The following ZNF207 variants were observed in gnomAD, a reference collection of about 807,000 sequenced individuals.
ZNF207 encodes zinc finger protein 207.
In ZNF207, 24 loss-of-function variants were observed where a neutral mutation model predicts 60.2. That is an observed-to-expected ratio of 0.40 (90% CI 0.29 to 0.56). ZNF207 has a LOEUF of 0.56. ZNF207 is among the 20% of genes least tolerant of loss of function. The pLI is 0.49. For synonymous variants in ZNF207, 236 were observed against 194.7 expected, an observed-to-expected ratio of 1.21 and a Z score of -1.77; for missense variants, 452 against 636.6, an observed-to-expected ratio of 0.71 and a Z score of 3.12.
chr17:32,351,454 C>G, intron 1 of ZNF207: 2 of 1,383,144 alleles, frequency 1.4e-6, no homozygotes, highest in African/African-American at 1.4e-5. Flanking sequence ...TGAACTCTTT[C>G]CTGTCCTCAG....
At chr17:32,369,071 C>T (rs950713047) in intron 10 of ZNF207, 1 of 478,800 alleles carries the variant, frequency 2.1e-6, no homozygotes, top group African/African-American at 1.9e-5. Flanking sequence ...TTTGTAATTC[C>T]CGGAAAGTTG....
rs1355680404 is a variant in ZNF207, at chr17:32,374,877, C to T, written c.*5118C>T. 2 of 152,182 alleles carry T rather than the reference C, an allele frequency of 1.3e-5. No homozygotes were observed. Among genetic ancestry groups the T allele is most frequent in the African/African-American group, 2.4e-5 (1 of 41,432 alleles). The allele number at this position is 152,182 out of a possible 1,614,324, so 9.4% of individuals were successfully genotyped here. On this transcript the variant is annotated 3_prime_UTR_variant, in exon 12 of 12. Coordinates refer to ENST00000394670, the MANE Select transcript of ZNF207 (RefSeq NM_001098507.2). ...TTCAGCCTCACTGAACAGTGTTTTA[C>T]GCACATGTGAAAAGTATCCACATTT...
Position 32,369,463 on chromosome 17 carries a change from CTT to C in ZNF207, c.1324+13_1324+14del, listed in dbSNP as rs760234810. The C allele has an allele frequency of 2.0e-5, 32 of 1,611,660 alleles. No individual in the cohort carries two copies. In the East Asian group the frequency reaches 6.9e-4, roughly 35 times the overall value. ...CCCAATGCCACCTCATGGTATTCCT[CTT>C]TTTATGTTTTTCATATTTAGTGGAT... On this transcript the variant is annotated intron_variant, in intron 11 of 11. Coordinates refer to ENST00000394670, the MANE Select transcript of ZNF207 (RefSeq NM_001098507.2).
chr17:32,350,244 C>G lies in ZNF207; in HGVS notation c.-42C>G, dbSNP rs750065952. On this transcript the variant is annotated 5_prime_UTR_variant, in exon 1 of 12. Transcript: ENST00000394670. ...GGGATTTTTGGCCTCGTTTCTCCTG[C>G]TTCTTTTCTCCTCCCTTTTACTTTG... 6.2e-7 allele frequency: 1 copy of G among 1,613,780 alleles called. No homozygotes were observed. The highest frequency in any genetic ancestry group is 8.5e-7 in the Non-Finnish European group (1 of 1,179,694).
intron 2 of ZNF207, among the ~76,000 whole-genome samples, chr17:32,356,855 T>C (rs1248813001): frequency 6.6e-6 from 1 of 151,990 alleles, no homozygotes; most frequent in East Asian, 1.9e-4. Flanking sequence ...TGAAAAAAAA[T>C]CCCAGATTTT....
chr17:32,367,238 ATTATATATATATATAT>A (rs1431144891), intron 9 of ZNF207, among the ~76,000 whole-genome samples: 1 of 32,286 alleles, frequency 3.1e-5, no homozygotes, highest in African/African-American at 8.1e-5. Flanking sequence ...TTTGGAGGGG[ATTATATATATATATAT>A]ATATATATAT....
chr17:32,365,652 C>T lies in ZNF207; in HGVS notation c.828+165C>T, dbSNP rs917140996. 3 of 491,534 alleles carry T rather than the reference C, an allele frequency of 6.1e-6. No individual in the cohort carries two copies. The African/African-American group carries it at 6.2e-5, about 10-fold the overall frequency. 30.4% of individuals were successfully genotyped at this position (491,534 alleles called of 1,614,324 possible). ...TGGCTTATCCACTTCCATGTTTACACACTGATTTCCTCTACCCATAAAAGG... is the reference window on the plus strand; with the variant it reads ...TGGCTTATCCACTTCCATGTTTACATACTGATTTCCTCTACCCATAAAAGG... On this transcript the variant is annotated intron_variant, in intron 8 of 11. Coordinates refer to ENST00000394670, the MANE Select transcript of ZNF207 (RefSeq NM_001098507.2).
At chr17:32,359,149 G>A (rs569338547) in intron 3 of ZNF207, among the ~76,000 whole-genome samples, 83 of 151,382 alleles carry the variant, frequency 5.5e-4, no homozygotes, top group African/African-American at 1.9e-3. Flanking sequence ...GTCTCACTCT[G>A]TTGCCCAGGC....
In ZNF207 at chr17:32,371,580, C is replaced by T. The variant is rs1201126743; in HGVS notation, c.*1821C>T. On this transcript the variant is annotated 3_prime_UTR_variant, in exon 12 of 12. Transcript: ENST00000394670. ...CCTGGCCAACATGGCAAAACCCCAT[C>T]TGTACAAAACATTTAAAAATTAGCC... 1 of 152,174 alleles carries T rather than the reference C, an allele frequency of 6.6e-6. No individual in the cohort carries two copies. Among genetic ancestry groups the T allele is most frequent in the African/African-American group, 2.4e-5 (1 of 41,430 alleles). The allele number at this position is 152,174 out of a possible 1,614,324, so 9.4% of individuals were successfully genotyped here. A position where few individuals can be genotyped will look rare whatever the true frequency, so the allele number is the denominator to read the frequency against.
chr17:32,364,764 A>G (rs958444629), intron 7 of ZNF207, among the ~76,000 whole-genome samples: 6 of 152,226 alleles, frequency 3.9e-5, no homozygotes, highest in African/African-American at 1.2e-4. Flanking sequence ...TCAACAAACT[A>G]TGAATAATTG....
At position 32,380,485 on chromosome 17, in the gene ZNF207, G is replaced by A. The variant is rs1246832035; in HGVS notation, c.*10726G>A. 1.3e-5 allele frequency: 2 copies of A among 152,092 alleles called. No homozygotes were observed. The highest frequency in any genetic ancestry group is 2.4e-5 in the African/African-American group (1 of 41,412). 9.4% of individuals were successfully genotyped at this position (152,092 alleles called of 1,614,324 possible). A position where few individuals can be genotyped will look rare whatever the true frequency, so the allele number is the denominator to read the frequency against. On this transcript the variant is annotated 3_prime_UTR_variant, in exon 12 of 12. Transcript: ENST00000394670. ...TGTTAAAGAAAATATCTTCAAGAAG[G>A]ATTATTTCAGTGTCCCTTTTTAAAA...
At position 32,375,429 on chromosome 17, in the gene ZNF207, T is replaced by C. The variant is rs541723317; in HGVS notation, c.*5670T>C. On this transcript the variant is annotated 3_prime_UTR_variant, in exon 12 of 12. Coordinates refer to ENST00000394670, the MANE Select transcript of ZNF207 (RefSeq NM_001098507.2). ...AGTGTGCTGGAAATACAGGCTCTTA[T>C]CTGGTTGAGTACTGGGGGTGGGAAG... is the stretch of plus-strand genomic sequence containing the variant. 5 of 152,276 alleles carry C rather than the reference T, an allele frequency of 3.3e-5. No homozygotes were observed. The highest frequency in any genetic ancestry group is 3.9e-4 in the East Asian group (2 of 5,190). 9.4% of individuals were successfully genotyped at this position (152,276 alleles called of 1,614,324 possible). A position where few individuals can be genotyped will look rare whatever the true frequency, so the allele number is the denominator to read the frequency against.
chr17:32,357,505 T>C (rs1412046400), intron 2 of ZNF207, among the ~76,000 whole-genome samples: 8 of 149,354 alleles, frequency 5.4e-5, no homozygotes, highest in African/African-American at 2.0e-4. Context: ...CGTGCCACCA[T>C]GCCCGGCTAA....
intron 6 of ZNF207, among the ~76,000 whole-genome samples, chr17:32,362,245 T>C (rs761358445): frequency 6.6e-6 from 1 of 152,124 alleles, no homozygotes; most frequent in Non-Finnish European, 1.5e-5. Flanking sequence ...AGCCTTGACC[T>C]CCTGGGCTCA....
Position 32,377,631 on chromosome 17 carries a change from G to A in ZNF207, c.*7872G>A, listed in dbSNP as rs549356321. On this transcript the variant is annotated 3_prime_UTR_variant, in exon 12 of 12. Transcript: ENST00000394670. ...CGTTTAAATTTAGAAATTCCCACAT[G>A]TTTAAGATATATGCCCATCCCCTTT... The A allele has an allele frequency of 2.0e-5, 3 of 152,030 alleles. No individual in the cohort carries two copies. The highest frequency in any genetic ancestry group is 7.2e-5 in the African/African-American group (3 of 41,532). The allele number at this position is 152,030 out of a possible 1,614,324, so 9.4% of individuals were successfully genotyped here.
intron 2 of ZNF207, among the ~76,000 whole-genome samples, chr17:32,355,595 G>GCATA (rs1904460568): frequency 6.6e-6 from 1 of 152,136 alleles, no homozygotes. Flanking sequence ...AAATTTGGAC[G>GCATA]CATACAATGT....
chr17:32,354,712 C>A (rs1185509315), intron 2 of ZNF207, among the ~76,000 whole-genome samples: 4 of 152,064 alleles, frequency 2.6e-5, no homozygotes, highest in Non-Finnish European at 4.4e-5. Flanking sequence ...CCTCCGGGTT[C>A]AAGCAATTCT....
At chr17:32,353,615 C>G (rs1904321603) in intron 2 of ZNF207, among the ~76,000 whole-genome samples, 1 of 142,590 alleles carries the variant, frequency 7.0e-6, no homozygotes, top group Non-Finnish European at 1.5e-5. Context: ...AACCCCATCT[C>G]TACAAATACC....
chr17:32,351,885 A>G lies in ZNF207; in HGVS notation c.141A>G (p.Gly47=). The part of the protein sequence containing the change: ...CHICHKKLYT[G]PGLAIHCMQV... ...TATGTCACAAGAAATTGTATACAGG[A>G]CCTGGCTTAGCTATTCATTGCATGC... The change falls in exon 2 of 12, where the codon GGA becomes GGG. Residue 47 remains glycine (G), a synonymous_variant. Coordinates refer to ENST00000394670, the MANE Select transcript of ZNF207 (RefSeq NM_001098507.2). The G allele has an allele frequency of 6.3e-7, 1 of 1,588,114 alleles. No individual in the cohort carries two copies. Among genetic ancestry groups the G allele is most frequent in the Non-Finnish European group, 8.6e-7 (1 of 1,165,270 alleles).
Sources: gnomAD v4.1 joint callset for allele counts (sites outside exome capture counted in the v4.1 genomes callset) on GRCh38, gnomAD v4.1.1 for gene constraint, MANE v1.5 for transcripts, NCBI Gene and HGNC (gene_info 2026-07-23, HGNC 2026-07-21) for gene names.